The following TOGARAM2 variants were observed in gnomAD, a reference collection of about 807,000 sequenced individuals.
TOGARAM2 encodes TOG array regulator of axonemal microtubules 2, also known as TOG array regulator of axonemal microtubules protein 2.
TOGARAM2 carries 85 observed loss-of-function variants against 93.3 expected under a neutral mutation model. The observed-to-expected ratio is 0.91, with a 90% CI of 0.76 to 1.09. The LOEUF is 1.09. TOGARAM2 is among the 50% of genes least tolerant of loss of function. TOGARAM2 has a pLI of 0.00. For missense variants in TOGARAM2, 1,277 were observed against 1,334.5 expected, an observed-to-expected ratio of 0.96 and a Z score of 0.67; for synonymous variants, 593 against 552.8, an observed-to-expected ratio of 1.07 and a Z score of -1.02.
chr2:29,027,143 T>A (rs1278726161), intron 14 of TOGARAM2, 132 bp downstream of exon 14: 2 of 976,524 alleles, frequency 2.0e-6, no homozygotes, highest in Admixed American at 6.4e-5. Context: ...GCTATGTCCT[T>A]TCCTTTCAGC....
intron 16 of TOGARAM2, 47 bp from the exon 17 acceptor site, chr2:29,035,417 C>T: frequency 8.5e-6 from 11 of 1,291,558 alleles, no homozygotes; most frequent in Non-Finnish European, 1.1e-5. Flanking sequence ...GGGTTCATTC[C>T]CCCGGGCTCT....
At chr2:29,015,489 T>G (rs1039301260) in intron 8 of TOGARAM2, among the ~76,000 whole-genome samples, 2 of 152,214 alleles carry the variant, frequency 1.3e-5, no homozygotes, top group African/African-American at 4.8e-5. Flanking sequence ...AACAGGATCA[T>G]TGCTATCAGC....
chr2:28,960,711 C>T (rs139507920), intron 1 of TOGARAM2, among the ~76,000 whole-genome samples: 15 of 152,322 alleles, frequency 9.8e-5, no homozygotes, highest in African/African-American at 2.2e-4. Context: ...AGTTGTACCT[C>T]GGAACTACCC....
rs1054323273 is a variant in TOGARAM2 at position 29,045,585 on chromosome 2, A to C, written c.2722+175A>C. 8.1e-5 allele frequency: 51 copies of C among 631,898 alleles called. 1 individual carries two copies. The highest frequency in any genetic ancestry group is 6.9e-4 in the African/African-American group (38 of 54,820). 39.1% of individuals were successfully genotyped at this position (631,898 alleles called of 1,614,324 possible). ...GACAATCTCCATATTGCCAGAAGACAATCTTTGTTTTTGATCAAAATGAAG... is the reference window on the plus strand; with the variant it reads ...GACAATCTCCATATTGCCAGAAGACCATCTTTGTTTTTGATCAAAATGAAG... On this transcript the variant is annotated intron_variant, in intron 19 of 19. Coordinates refer to ENST00000379558, the MANE Select transcript of TOGARAM2 (RefSeq NM_199280.4).
At chr2:28,977,744 G>T (rs561149992), upstream of TOGARAM2, among the ~76,000 whole-genome samples, 1 of 151,996 alleles carries the variant, frequency 6.6e-6, no homozygotes, top group Non-Finnish European at 1.5e-5. Flanking sequence ...CCAGGAGAGG[G>T]GCGGGCAGTT....
chr2:28,958,508 GT>G (rs1315632397), intron 1 of TOGARAM2, among the ~76,000 whole-genome samples: 1 of 152,052 alleles, frequency 6.6e-6, no homozygotes, highest in African/African-American at 2.4e-5. Flanking sequence ...GTCTTGCTAA[GT>G]TGCCCAGATT....
intron 1 of TOGARAM2, among the ~76,000 whole-genome samples, chr2:28,958,047 G>A (rs1242383229): frequency 1.3e-5 from 2 of 152,140 alleles, no homozygotes; most frequent in Non-Finnish European, 2.9e-5. Flanking sequence ...TAAGAGCCAG[G>A]GATTTAAATG....
At chr2:28,957,070 C>T (rs1671729600) in intron 1 of TOGARAM2, among the ~76,000 whole-genome samples, 1 of 151,984 alleles carries the variant, frequency 6.6e-6, no homozygotes, top group Non-Finnish European at 1.5e-5. Context: ...CGCCACTACA[C>T]TCCAGCCTGG....
chr2:29,006,389 CGT>C lies in TOGARAM2; in HGVS notation c.830+2715_830+2716del, dbSNP rs371141047. 3.2e-3 allele frequency among the ~76,000 whole-genome samples: 390 copies of C among 122,256 alleles called. 4 individuals carry two copies. In the East Asian group the frequency reaches 0.052, roughly 16 times the overall value. The allele number at this position is 122,256 out of a possible 152,430, so 80.2% of individuals were successfully genotyped here. A position where few individuals can be genotyped will look rare whatever the true frequency, so the allele number is the denominator to read the frequency against. On this transcript the variant is annotated intron_variant, in intron 6 of 19. Coordinates refer to ENST00000379558, the MANE Select transcript of TOGARAM2 (RefSeq NM_199280.4). Reference sequence around the variant, plus strand: ...GTGTGCATGTGTATGTGTGTGAGTGCGTGTGTGTGAGTGCATGTGTGTTCATG... The same window carrying C: ...GTGTGCATGTGTATGTGTGTGAGTGCGTGTGTGAGTGCATGTGTGTTCATG...
chr2:29,015,548 C>T (rs1275506781), intron 8 of TOGARAM2, among the ~76,000 whole-genome samples: 1 of 152,176 alleles, frequency 6.6e-6, no homozygotes, highest in Non-Finnish European at 1.5e-5. Context: ...GGAACAAAAC[C>T]AAGAGAAAAT....
intron 1 of TOGARAM2, among the ~76,000 whole-genome samples, chr2:28,970,137 A>T (rs115852600): frequency 0.017 from 2,517 of 152,290 alleles, 69 homozygotes; most frequent in African/African-American, 0.057. Flanking sequence ...CAATTCTTAC[A>T]AAAGTCCTAG....
chr2:28,963,824 A>T (rs1671829976), intron 1 of TOGARAM2, among the ~76,000 whole-genome samples: 1 of 152,200 alleles, frequency 6.6e-6, no homozygotes, highest in South Asian at 2.1e-4. Flanking sequence ...CCTGGCCAAC[A>T]TGGTGAAAAC....
At chr2:29,046,203 C>A (rs1666730373) in intron 19 of TOGARAM2, 1 of 152,250 alleles carries the variant, frequency 6.6e-6, no homozygotes, top group South Asian at 2.1e-4. Flanking sequence ...CCTGTTTCTG[C>A]TTTGAGTCTG....
chr2:29,035,147 C>T (rs2019232), intron 16 of TOGARAM2, among the ~76,000 whole-genome samples: 101,301 of 141,670 alleles, frequency 0.72, 36,397 homozygotes, highest in East Asian at 0.79. Flanking sequence ...CGAGACTCTG[C>T]CTCAAAAAAA....
chr2:29,041,434 G>A (rs1441099429), intron 18 of TOGARAM2, among the ~76,000 whole-genome samples: 2 of 152,202 alleles, frequency 1.3e-5, no homozygotes, highest in Admixed American at 1.3e-4. Flanking sequence ...AGTGCTGGTA[G>A]CCATGGTGAA....
At chr2:28,978,028 T>C (rs144170431), upstream of TOGARAM2, among the ~76,000 whole-genome samples, 2,933 of 152,240 alleles carry the variant, frequency 0.019, 33 homozygotes, top group Non-Finnish European at 0.029. Context: ...TGTCTCAGCC[T>C]CCTGAGTAGC....
Position 29,024,127 on chromosome 2 carries a change from C to T in TOGARAM2, c.1618-12C>T, listed in dbSNP as rs747820529. ...GTCCAGCACCCTGGAGGGCCTCTCT[C>T]CTCTCTCCAAGGTCACCAACCTGCG... On this transcript the variant is annotated splice_polypyrimidine_tract_variant and intron_variant, in intron 12 of 19. Coordinates refer to ENST00000379558, the MANE Select transcript of TOGARAM2 (RefSeq NM_199280.4). The T allele has an allele frequency of 4.3e-5, 67 of 1,559,366 alleles. No individual in the cohort carries two copies. The highest frequency in any genetic ancestry group is 3.3e-4 in the Middle Eastern group (2 of 6,006).
chr2:29,009,817 CGGT>C (rs1443756820), intron 6 of TOGARAM2, among the ~76,000 whole-genome samples: 1 of 151,272 alleles, frequency 6.6e-6, no homozygotes, highest in African/African-American at 2.4e-5. Context: ...GGAGCCTGAG[CGGT>C]GGTGGGTTTT....
intron 15 of TOGARAM2, among the ~76,000 whole-genome samples, chr2:29,033,259 G>A (rs937643855): frequency 6.6e-6 from 1 of 152,170 alleles, no homozygotes; most frequent in Non-Finnish European, 1.5e-5. Flanking sequence ...TGTTCCTTGA[G>A]CCTCCCTGGG....
Sources: gnomAD v4.1 joint callset for allele counts (sites outside exome capture counted in the v4.1 genomes callset) on GRCh38, gnomAD v4.1.1 for gene constraint, MANE v1.5 for transcripts, NCBI Gene and HGNC (gene_info 2026-07-23, HGNC 2026-07-21) for gene names.